Variants in DNAH6 observed in about 807,000 individuals in gnomAD.
DNAH6 encodes axonemal beta dynein heavy chain 6.
In DNAH6, 340 loss-of-function variants were observed where a neutral mutation model predicts 491.4. The observed-to-expected ratio is 0.69, with a 90% CI of 0.63 to 0.76. The LOEUF (loss-of-function observed/expected upper bound fraction) is 0.76. Among genes scored for constraint, DNAH6 ranks in the 30% least tolerant of loss-of-function variants. The pLI is 0.00. For synonymous variants in DNAH6, 1,603 were observed against 1,686.1 expected, an observed-to-expected ratio of 0.95 and a Z score of 1.21; for missense variants, 4,443 against 4,972.2, an observed-to-expected ratio of 0.89 and a Z score of 3.20.
intron 64 of DNAH6, among the ~76,000 whole-genome samples, chr2:84,765,136 C>T (rs1674957176): frequency 6.6e-6 from 1 of 151,690 alleles, no homozygotes; most frequent in East Asian, 1.9e-4. Flanking sequence ...ATTAAACAAG[C>T]AAATAATTGC....
intron 46 of DNAH6, 94 bp downstream of exon 46, chr2:84,694,574 G>A: frequency 6.9e-6 from 6 of 874,012 alleles, no homozygotes; most frequent in South Asian, 1.6e-5. Flanking sequence ...TGAAGTTCAA[G>A]GGGATTGTTC....
chr2:84,780,687 A>AT (rs1676599783), intron 64 of DNAH6, among the ~76,000 whole-genome samples: 1 of 152,014 alleles, frequency 6.6e-6, no homozygotes, highest in East Asian at 1.9e-4. Context: ...GGAAACACTG[A>AT]TTTTTTGAAT....
At chr2:84,724,951 TAGCAAACAGGTTCAGC>T (rs1698487797) in intron 60 of DNAH6, among the ~76,000 whole-genome samples, 1 of 152,204 alleles carries the variant, frequency 6.6e-6, no homozygotes, top group Non-Finnish European at 1.5e-5. Flanking sequence ...ATGGGAGTAG[TAGCAAACAGGTTCAGC>T]AGTCTTTATC....
At position 84,720,805 on chromosome 2, in the gene DNAH6, A is replaced by G. The variant is rs1698072852; in HGVS notation, c.9793-1820A>G. Reference sequence around the variant, plus strand: ...CTGCATTTTTAAGCCTTTTCCTACAATTTTATTGTAGTTTCAGTAGGAAGT... The same window carrying G: ...CTGCATTTTTAAGCCTTTTCCTACAGTTTTATTGTAGTTTCAGTAGGAAGT... On this transcript the variant is annotated intron_variant, in intron 59 of 76. Coordinates refer to ENST00000389394, the MANE Select transcript of DNAH6 (RefSeq NM_001370.2). Among the ~76,000 whole-genome samples, 4 of 152,094 alleles carry G rather than the reference A, an allele frequency of 2.6e-5. No homozygotes were observed. In the South Asian group the frequency reaches 8.3e-4, roughly 32 times the overall value.
At chr2:84,776,233 G>C (rs1676107425) in intron 64 of DNAH6, among the ~76,000 whole-genome samples, 1 of 152,224 alleles carries the variant, frequency 6.6e-6, no homozygotes, top group Admixed American at 6.5e-5. Context: ...GAGCCAGGAA[G>C]TTATATAAGA....
intron 22 of DNAH6, among the ~76,000 whole-genome samples, chr2:84,612,984 G>C (rs1415169243): frequency 6.6e-6 from 1 of 151,786 alleles, no homozygotes; most frequent in Non-Finnish European, 1.5e-5. Context: ...TACTAGACTT[G>C]TTATAAAATA....
At chr2:84,769,873 G>T (rs1002754012) in intron 64 of DNAH6, among the ~76,000 whole-genome samples, 2 of 152,108 alleles carry the variant, frequency 1.3e-5, no homozygotes, top group African/African-American at 4.8e-5. Flanking sequence ...ACATATTTTT[G>T]GGAATCCAGA....
intron 14 of DNAH6, among the ~76,000 whole-genome samples, chr2:84,582,745 G>T (rs1013288023): frequency 6.6e-5 from 10 of 152,194 alleles, no homozygotes; most frequent in African/African-American, 2.4e-4. Flanking sequence ...GTAAGCCACT[G>T]CACCCGGCCA....
At chr2:84,508,500 G>T in the DNAH6 span, among the ~76,000 whole-genome samples, 1 of 151,822 alleles carries the variant, frequency 6.6e-6, no homozygotes, top group East Asian at 1.9e-4. Context: ...GAATTTTGTT[G>T]ATCTTTTCAA....
chr2:84,646,831 A>G (rs1689946181), intron 33 of DNAH6, among the ~76,000 whole-genome samples: 1 of 152,168 alleles, frequency 6.6e-6, no homozygotes, highest in Non-Finnish European at 1.5e-5. Context: ...CTTCTTATAG[A>G]TTAGCAAAGA....
intron 70 of DNAH6, among the ~76,000 whole-genome samples, chr2:84,801,616 G>T (rs58224388): frequency 0.015 from 2,289 of 152,274 alleles, 46 homozygotes; most frequent in African/African-American, 0.049. Context: ...AGGCGCAGTG[G>T]CTCATGCCTG....
At chr2:84,765,992 A>G (rs1675040030) in intron 64 of DNAH6, among the ~76,000 whole-genome samples, 2 of 152,158 alleles carry the variant, frequency 1.3e-5, no homozygotes, top group Non-Finnish European at 2.9e-5. Flanking sequence ...ACTACATGGT[A>G]TACAAAACAA....
At chr2:84,547,131 T>C (rs775847204) in intron 5 of DNAH6, 137 bp from the exon 6 acceptor site, 162 of 656,362 alleles carry the variant, frequency 2.5e-4, no homozygotes, top group Middle Eastern at 4.2e-4. Flanking sequence ...TTTTAACATA[T>C]GCATTTTGTA....
At chr2:84,656,138 A>C (rs1162101538) in intron 35 of DNAH6, among the ~76,000 whole-genome samples, 2 of 151,950 alleles carry the variant, frequency 1.3e-5, no homozygotes, top group Non-Finnish European at 2.9e-5. Flanking sequence ...TTGGTAGCTT[A>C]TTTCTTTTTA....
At chr2:84,811,145 G>A (rs981309306) in intron 72 of DNAH6, among the ~76,000 whole-genome samples, 1 of 152,152 alleles carries the variant, frequency 6.6e-6, no homozygotes, top group Non-Finnish European at 1.5e-5. Context: ...CTTGTGAAAA[G>A]AGGTACAGGG....
At position 84,602,135 on chromosome 2, in the gene DNAH6, A is replaced by T. The variant is rs545974250; in HGVS notation, c.2869-2204A>T. Among the ~76,000 whole-genome samples the T allele has an allele frequency of 7.1e-4, 108 of 152,140 alleles. 1 individual carries two copies. The highest frequency in any genetic ancestry group is 2.5e-3 in the African/African-American group (102 of 41,568). On this transcript the variant is annotated intron_variant, in intron 18 of 76. Transcript: ENST00000389394. ...ATCTTTTAGAGCAATAAAAATAAGA[A>T]AGAAAATGAATTTTACTTTACCAGT...
chr2:84,535,708 T>C (rs763892787), intron 4 of DNAH6, among the ~76,000 whole-genome samples: 76 of 151,234 alleles, frequency 5.0e-4, no homozygotes, highest in Non-Finnish European at 9.2e-4. Flanking sequence ...ATCAGTAACA[T>C]CATTAGTAGA....
At chr2:84,483,809 C>T in the DNAH6 span, among the ~76,000 whole-genome samples, 2 of 152,214 alleles carry the variant, frequency 1.3e-5, no homozygotes, top group South Asian at 4.2e-4. Context: ...GGGAAGGGTA[C>T]CTCATTATTG....
intron 59 of DNAH6, among the ~76,000 whole-genome samples, chr2:84,718,677 A>G (rs1364184124): frequency 6.6e-6 from 1 of 152,240 alleles, no homozygotes; most frequent in African/African-American, 2.4e-5. Context: ...TATGAATGCC[A>G]TCACCTGCAG....
Sources: allele counts gnomAD v4.1 joint callset (sites outside exome capture counted in the v4.1 genomes callset), GRCh38; gene constraint gnomAD v4.1.1; transcripts MANE v1.5; gene names NCBI Gene and HGNC (gene_info 2026-07-23, HGNC 2026-07-21).